Variants in TMEM120B observed in about 807,000 individuals in gnomAD.
TMEM120B encodes transmembrane protein 120B.
Under a neutral mutation model 55.5 loss-of-function variants are expected in TMEM120B, and 31 were observed. That is an observed-to-expected ratio of 0.56 (90% CI 0.42 to 0.75). The LOEUF is 0.75. Ranked by LOEUF, TMEM120B falls within the 30% of genes least tolerant of loss-of-function variation. The pLI is 0.00. For missense variants in TMEM120B, 399 were observed against 425.5 expected, an observed-to-expected ratio of 0.94 and a Z score of 0.55; for synonymous variants, 203 against 176.3, an observed-to-expected ratio of 1.15 and a Z score of -1.20.
At chr12:121,762,928 C>CA (rs1376452866) in intron 6 of TMEM120B, among the ~76,000 whole-genome samples, 1 of 152,060 alleles carries the variant, frequency 6.6e-6, no homozygotes, top group African/African-American at 2.4e-5. Context: ...GTGGGTGTGT[C>CA]ACAGTGGTGC....
intron 1 of TMEM120B, among the ~76,000 whole-genome samples, chr12:121,723,654 C>T (rs1234279886): frequency 6.6e-6 from 1 of 152,158 alleles, no homozygotes; most frequent in Non-Finnish European, 1.5e-5. Context: ...AGGGATCAGC[C>T]TCCCAGGGCA....
intron 1 of TMEM120B, among the ~76,000 whole-genome samples, chr12:121,733,820 G>A (rs571162882): frequency 6.8e-4 from 104 of 152,260 alleles, no homozygotes; most frequent in South Asian, 4.6e-3. Flanking sequence ...TTACAGGTGT[G>A]AGCCACTGCA....
rs547874310 is a variant in TMEM120B, at chr12:121,773,579, G to T, written c.772+66G>T. ...GACCTGCCAGCTCCCCACACCGGGA[G>T]TGCAGCCCTGCGAGCACCTCCCATA... On this transcript the variant is annotated intron_variant, in intron 9 of 11. Coordinates refer to ENST00000449592, the MANE Select transcript of TMEM120B (RefSeq NM_001080825.2). 16 of 1,285,112 alleles carry T rather than the reference G, an allele frequency of 1.2e-5. No individual in the cohort carries two copies. In the African/African-American group the frequency reaches 2.3e-4, roughly 18 times the overall value. 79.6% of individuals were successfully genotyped at this position (1,285,112 alleles called of 1,614,324 possible). A position where few individuals can be genotyped will look rare whatever the true frequency, so the allele number is the denominator to read the frequency against.
At chr12:121,751,617 T>C (rs1481753956) in intron 4 of TMEM120B, among the ~76,000 whole-genome samples, 2 of 151,348 alleles carry the variant, frequency 1.3e-5, no homozygotes, top group Non-Finnish European at 2.9e-5. Flanking sequence ...TGGGAGAGGG[T>C]TGGTTCCTTG....
In TMEM120B at chr12:121,779,749, ACT is replaced by A. The variant is rs1378909712; in HGVS notation, c.*4030_*4031del. 3.5e-6 allele frequency: 5 copies of A among 1,420,182 alleles called. No homozygotes were observed. Among genetic ancestry groups the A allele is most frequent in the Admixed American group, 1.8e-5 (1 of 55,714 alleles). 88.0% of individuals were successfully genotyped at this position (1,420,182 alleles called of 1,614,324 possible). A position where few individuals can be genotyped will look rare whatever the true frequency, so the allele number is the denominator to read the frequency against. The stretch of plus-strand genomic sequence containing the variant: ...GGTGGGTTTGGGACTGGCTCTGAGG[ACT>A]CTGCAGGGATGGAGGCCTTGGTTTG... On this transcript the variant is annotated 3_prime_UTR_variant, in exon 12 of 12. Coordinates refer to ENST00000449592, the MANE Select transcript of TMEM120B (RefSeq NM_001080825.2).
At chr12:121,746,848 C>T (rs1413927603) in intron 2 of TMEM120B, among the ~76,000 whole-genome samples, 1 of 151,824 alleles carries the variant, frequency 6.6e-6, no homozygotes, top group African/African-American at 2.4e-5. Context: ...ATCCCAGCTA[C>T]TTGGGAGGCT....
Position 121,761,680 on chromosome 12 carries a change from G to T in TMEM120B, c.493G>T (p.Val165Leu). 3 of 1,614,028 alleles carry T rather than the reference G, an allele frequency of 1.9e-6. No homozygotes were observed. Among genetic ancestry groups the T allele is most frequent in the Non-Finnish European group, 2.5e-6 (3 of 1,179,960 alleles). ...TGACGAAGTCTTCAACTTCCTGCTG[G>T]TGTGGTATTACTGCACCCTGACCAT... is the stretch of plus-strand genomic sequence containing the variant. ...VTDEVFNFLL[V>L]WYYCTLTIRE... The change falls in exon 6 of 12, where the codon GTG becomes TTG. Residue 165 changes from valine (V) to leucine (L), a missense_variant. By Grantham distance (32) the Val-to-Leu change is conservative (BLOSUM62 1). Coordinates refer to ENST00000449592, the MANE Select transcript of TMEM120B (RefSeq NM_001080825.2).
intron 2 of TMEM120B, 95 bp downstream of exon 2, chr12:121,743,842 A>G (rs1254613169): frequency 1.1e-6 from 1 of 913,874 alleles, no homozygotes; most frequent in Non-Finnish European, 1.7e-6. Context: ...TCTCAGTGGA[A>G]AAAGACAGGA....
chr12:121,776,166 C>T lies in TMEM120B; in HGVS notation c.*444C>T. 5.6e-6 allele frequency: 2 copies of T among 354,050 alleles called. No homozygotes were observed. Among genetic ancestry groups the T allele is most frequent in the Non-Finnish European group, 1.0e-5 (2 of 197,038 alleles). The allele number at this position is 354,050 out of a possible 1,614,324, so 21.9% of individuals were successfully genotyped here. A position where few individuals can be genotyped will look rare whatever the true frequency, so the allele number is the denominator to read the frequency against. On this transcript the variant is annotated 3_prime_UTR_variant, in exon 12 of 12. Coordinates refer to ENST00000449592, the MANE Select transcript of TMEM120B (RefSeq NM_001080825.2). Reference sequence around the variant, plus strand: ...AACCCTCAGTGTCCTGTGGCGCCCCCACCCCGGGGCCACTCTGCTTCTGCT... The same window carrying T: ...AACCCTCAGTGTCCTGTGGCGCCCCTACCCCGGGGCCACTCTGCTTCTGCT...
rs750405040 is a variant in TMEM120B, at chr12:121,775,590, C to G, written c.907-19C>G. The stretch of plus-strand genomic sequence containing the variant: ...AGGGCAGATGCCCCAGCCTCGCCCT[C>G]CTCTCTGGACTCCCCCAGGTGTTCG... On this transcript the variant is annotated intron_variant, in intron 11 of 11. Coordinates refer to ENST00000449592, the MANE Select transcript of TMEM120B (RefSeq NM_001080825.2). The surrounding 1 kb of genome is among the most constrained non-coding windows in gnomAD (Gnocchi z 4.3). 27 of 1,607,216 alleles carry G rather than the reference C, an allele frequency of 1.7e-5. No homozygotes were observed. The highest frequency in any genetic ancestry group is 2.1e-5 in the Non-Finnish European group (25 of 1,175,362).
intron 6 of TMEM120B, among the ~76,000 whole-genome samples, chr12:121,769,162 CAAAAAA>C (rs10590198): frequency 7.2e-6 from 1 of 138,702 alleles, no homozygotes. Flanking sequence ...AAAAAAAAGG[CAAAAAA>C]AAAAACCCCA....
At chr12:121,726,554 G>A (rs1379212883) in intron 1 of TMEM120B, among the ~76,000 whole-genome samples, 1 of 150,158 alleles carries the variant, frequency 6.7e-6, no homozygotes, top group African/African-American at 2.5e-5. Context: ...ACTCCAGCCT[G>A]GGTGACAGAG....
chr12:121,735,729 C>T (rs1446800860), intron 1 of TMEM120B, among the ~76,000 whole-genome samples: 2 of 139,674 alleles, frequency 1.4e-5, no homozygotes, highest in South Asian at 2.3e-4. Context: ...CTCACTCTGT[C>T]GCCCAGGCTG....
intron 5 of TMEM120B, among the ~76,000 whole-genome samples, chr12:121,757,011 C>T (rs954945796): frequency 6.6e-6 from 1 of 152,058 alleles, no homozygotes; most frequent in African/African-American, 2.4e-5. Flanking sequence ...GTACGGTGTC[C>T]GTCATGACTT....
In TMEM120B at chr12:121,779,712, C is replaced by G. The variant is rs775142774; in HGVS notation, c.*3990C>G. 6.3e-7 allele frequency: 1 copy of G among 1,598,100 alleles called. No individual in the cohort carries two copies. The highest frequency in any genetic ancestry group is 1.7e-5 in the Admixed American group (1 of 59,740). The stretch of plus-strand genomic sequence containing the variant: ...TAGGTGAGGGGCCCCTGGAGGTCTC[C>G]TAGCACCACCTGGTGGGTTTGGGAC... On this transcript the variant is annotated 3_prime_UTR_variant, in exon 12 of 12. Transcript: ENST00000449592.
intron 1 of TMEM120B, among the ~76,000 whole-genome samples, chr12:121,739,884 T>G (rs1872880703): frequency 6.7e-6 from 1 of 150,120 alleles, no homozygotes; most frequent in Admixed American, 6.7e-5. Context: ...GTTGAAGCGA[T>G]TCTCCTGCCT....
At chr12:121,725,925 T>C (rs1160914125) in intron 1 of TMEM120B, among the ~76,000 whole-genome samples, 2 of 151,180 alleles carry the variant, frequency 1.3e-5, no homozygotes, top group Non-Finnish European at 2.9e-5. Context: ...TAGTCCCAGC[T>C]ACTGAGGAGG....
chr12:121,764,521 A>G (rs1211518545), intron 6 of TMEM120B, among the ~76,000 whole-genome samples: 1 of 151,146 alleles, frequency 6.6e-6, no homozygotes, highest in African/African-American at 2.4e-5. Context: ...AACTCGGTCT[A>G]AAAAAAAATT....
chr12:121,781,117 A>G lies in TMEM120B; in HGVS notation c.*5395A>G, dbSNP rs1208251514. The G allele has an allele frequency of 6.2e-7, 1 of 1,614,232 alleles. No individual in the cohort carries two copies. Among genetic ancestry groups the G allele is most frequent in the South Asian group, 1.1e-5 (1 of 91,088 alleles). On this transcript the variant is annotated 3_prime_UTR_variant, in exon 12 of 12. Coordinates refer to ENST00000449592, the MANE Select transcript of TMEM120B (RefSeq NM_001080825.2). ...GACGTTGTCGTAGCTGGTGGGATTC[A>G]TGACGTCATAGCAGATGAGCACGAG... is the stretch of plus-strand genomic sequence containing the variant.
Sources: gnomAD v4.1 joint callset for allele counts (sites outside exome capture counted in the v4.1 genomes callset) on GRCh38, gnomAD v4.1.1 for gene constraint, Gnocchi (gnomAD v3.1) non-coding constraint, MANE v1.5 for transcripts, NCBI Gene and HGNC (gene_info 2026-07-23, HGNC 2026-07-21) for gene names.